RASSF8: variants seen among roughly 807,000 people sequenced by gnomAD.
RASSF8 encodes the protein ras association domain-containing protein 8.
Under a neutral mutation model 48.5 loss-of-function variants are expected in RASSF8, and 22 were observed. The observed-to-expected ratio is 0.45, with a 90% CI of 0.32 to 0.65. RASSF8 has a LOEUF of 0.65. Among genes scored for constraint, RASSF8 ranks in the 30% least tolerant of loss-of-function variants. RASSF8 has a pLI of 0.03. For synonymous variants in RASSF8, 127 were observed against 171.5 expected, an observed-to-expected ratio of 0.74 and a Z score of 2.03; for missense variants, 418 against 489.2, an observed-to-expected ratio of 0.85 and a Z score of 1.37.
rs1447064670 is a variant in RASSF8 at position 26,072,475 on chromosome 12, T to C, written c.*3657T>C. The C allele has an allele frequency of 4.2e-6, 4 of 960,776 alleles. No individual in the cohort carries two copies. Among genetic ancestry groups the C allele is most frequent in the Non-Finnish European group, 3.7e-6 (3 of 807,562 alleles). 59.5% of individuals were successfully genotyped at this position (960,776 alleles called of 1,614,324 possible). A position where few individuals can be genotyped will look rare whatever the true frequency, so the allele number is the denominator to read the frequency against. ...AATAAATGCAGAAAACTATTTCGTATACTAATTATATTAAACCAGCAGAAA... is the reference window on the plus strand; with the variant it reads ...AATAAATGCAGAAAACTATTTCGTACACTAATTATATTAAACCAGCAGAAA... On this transcript the variant is annotated 3_prime_UTR_variant, in exon 6 of 6. Transcript: ENST00000689635.
Position 26,012,682 on chromosome 12 carries a change from C to CTTTT in RASSF8, c.-109+17565_-109+17568dup, listed in dbSNP as rs775400464. Among the ~76,000 whole-genome samples, 87 of 131,786 alleles carry CTTTT rather than the reference C, an allele frequency of 6.6e-4. 1 individual carries two copies. The highest frequency in any genetic ancestry group is 8.5e-4 in the Non-Finnish European group (53 of 62,282). The allele number at this position is 131,786 out of a possible 152,430, so 86.5% of individuals were successfully genotyped here. A position where few individuals can be genotyped will look rare whatever the true frequency, so the allele number is the denominator to read the frequency against. On this transcript the variant is annotated intron_variant, in intron 2 of 5. Transcript: ENST00000689635. ...GTTCCTTCCATGTGAGGCCTTTTTT[C>CTTTT]TTTTTTTTTTTTTTTTGAGATAGGG...
chr12:25,982,750 G>A (rs1413346159), intron 1 of RASSF8, among the ~76,000 whole-genome samples: 1 of 152,086 alleles, frequency 6.6e-6, no homozygotes, highest in Non-Finnish European at 1.5e-5. Flanking sequence ...CATAGAGCTG[G>A]GACCCCTAAA....
At chr12:26,079,203 A>C (rs1944096703) in exon 6 of RASSF8, 6 of 595,806 alleles carry the variant, frequency 1.0e-5, no homozygotes, top group Middle Eastern at 4.5e-4. Flanking sequence ...GGGAGAAAAT[A>C]TTTGCAAACC....
chr12:25,988,879 A>C (rs1424716669), intron 1 of RASSF8, among the ~76,000 whole-genome samples: 2 of 152,200 alleles, frequency 1.3e-5, no homozygotes, highest in East Asian at 3.8e-4. Flanking sequence ...TGTTTAGAGA[A>C]ACTGTCTCCT....
intron 1 of RASSF8, among the ~76,000 whole-genome samples, chr12:25,991,002 C>A (rs1408914947): frequency 6.6e-6 from 1 of 152,106 alleles, no homozygotes; most frequent in Non-Finnish European, 1.5e-5. Flanking sequence ...GACTTTTTAG[C>A]TGATCTATAA....
intron 2 of RASSF8, among the ~76,000 whole-genome samples, chr12:26,047,609 T>C (rs1013012037): frequency 1.3e-5 from 2 of 152,208 alleles, no homozygotes; most frequent in Non-Finnish European, 2.9e-5. Flanking sequence ...ACTGTACTAG[T>C]TGATGACCAG....
At chr12:26,034,678 A>G (rs149961553) in intron 2 of RASSF8, among the ~76,000 whole-genome samples, 38 of 152,242 alleles carry the variant, frequency 2.5e-4, no homozygotes, top group African/African-American at 8.7e-4. Flanking sequence ...TTTATTTCCC[A>G]TATTTCGAAA....
rs899083777 is a variant in RASSF8 at position 25,974,826 on chromosome 12, G to A, written c.-203+15678G>A. On this transcript the variant is annotated intron_variant, in intron 1 of 5. Transcript: ENST00000689635. ...GTGAGCACTCAACCCTGAATGTAGC[G>A]TGGGTAGGGTAGCTATTGGTAGATA... 7.2e-5 allele frequency among the ~76,000 whole-genome samples: 11 copies of A among 152,252 alleles called. No individual in the cohort carries two copies. The East Asian group carries it at 7.7e-4, about 11-fold the overall frequency.
At chr12:26,073,821 TACACAC>T (rs757140768), downstream of RASSF8, among the ~76,000 whole-genome samples, 54 of 65,244 alleles carry the variant, frequency 8.3e-4, no homozygotes, top group Admixed American at 1.6e-3. Flanking sequence ...TATATACACA[TACACAC>T]ACACACACAC....
chr12:25,995,725 C>T (rs1271519837), intron 2 of RASSF8, among the ~76,000 whole-genome samples: 4 of 152,098 alleles, frequency 2.6e-5, no homozygotes, highest in Non-Finnish European at 4.4e-5. Context: ...AGTATGCTTG[C>T]TGTATATCAT....
intron 2 of RASSF8, among the ~76,000 whole-genome samples, chr12:26,049,074 A>G (rs1943435954): frequency 6.6e-6 from 1 of 152,030 alleles, no homozygotes; most frequent in Non-Finnish European, 1.5e-5. Context: ...CATCTTTTTT[A>G]AGGTATGGTG....
chr12:25,968,467 C>T (rs1485852871), intron 1 of RASSF8, among the ~76,000 whole-genome samples: 1 of 152,186 alleles, frequency 6.6e-6, no homozygotes, highest in Non-Finnish European at 1.5e-5. Flanking sequence ...CTCAGCCTCC[C>T]GAGTAGCTGG....
chr12:26,025,032 AAAG>A (rs1182577237), intron 2 of RASSF8, among the ~76,000 whole-genome samples: 1 of 152,222 alleles, frequency 6.6e-6, no homozygotes, highest in Non-Finnish European at 1.5e-5. Context: ...TTCAATAAAA[AAAG>A]CATTTGACAA....
Position 26,055,286 on chromosome 12 carries a change from C to A in RASSF8, c.-58C>A. 7.2e-7 allele frequency: 1 copy of A among 1,385,454 alleles called. No homozygotes were observed. The highest frequency in any genetic ancestry group is 1.0e-6 in the Non-Finnish European group (1 of 971,590). The allele number at this position is 1,385,454 out of a possible 1,614,324, so 85.8% of individuals were successfully genotyped here. A position where few individuals can be genotyped will look rare whatever the true frequency, so the allele number is the denominator to read the frequency against. On this transcript the variant is annotated 5_prime_UTR_variant, in exon 3 of 6. Coordinates refer to ENST00000689635, the MANE Select transcript of RASSF8 (RefSeq NM_001394098.1). ...CACTCCGTGTTCCTGCAGCTAGAGA[C>A]ATGACCTAACACCCTGATGACCACT...
intron 1 of RASSF8, among the ~76,000 whole-genome samples, chr12:25,975,258 A>G (rs1250567069): frequency 6.6e-6 from 1 of 152,178 alleles, no homozygotes; most frequent in African/African-American, 2.4e-5. Context: ...AATAGTCTCG[A>G]TATCATTAAA....
At chr12:26,061,077 T>C (rs1943731912) in intron 3 of RASSF8, among the ~76,000 whole-genome samples, 1 of 152,138 alleles carries the variant, frequency 6.6e-6, no homozygotes, top group Non-Finnish European at 1.5e-5. Context: ...CTGACACATA[T>C]GTGGTGTTCA....
In RASSF8 at chr12:26,072,438, T is replaced by C. The variant is rs1944018796; in HGVS notation, c.*3620T>C. On this transcript the variant is annotated 3_prime_UTR_variant, in exon 6 of 6. Transcript: ENST00000689635. Reference sequence around the variant, plus strand: ...GCTCTTTTCAATGCATTTTATATATTTTTAGAAACCAAATAAATGCAGAAA... The same window carrying C: ...GCTCTTTTCAATGCATTTTATATATCTTTAGAAACCAAATAAATGCAGAAA... 1 of 974,256 alleles carries C rather than the reference T, an allele frequency of 1.0e-6. No individual in the cohort carries two copies. The highest frequency in any genetic ancestry group is 5.3e-4 in the Middle Eastern group (1 of 1,892). 60.4% of individuals were successfully genotyped at this position (974,256 alleles called of 1,614,324 possible).
intron 1 of RASSF8, among the ~76,000 whole-genome samples, chr12:25,970,418 C>T (rs544483756): frequency 6.6e-6 from 1 of 152,300 alleles, no homozygotes; most frequent in South Asian, 2.1e-4. Flanking sequence ...TCCTATGCCA[C>T]CTCACCTTGA....
chr12:25,976,886 T>TGGGA (rs746531679), intron 1 of RASSF8, among the ~76,000 whole-genome samples: 1 of 152,176 alleles, frequency 6.6e-6, no homozygotes. Context: ...ACCACATGCT[T>TGGGA]GGGACCTCCT....
Sources: gnomAD v4.1 joint callset for allele counts (sites outside exome capture counted in the v4.1 genomes callset) on GRCh38, gnomAD v4.1.1 for gene constraint, MANE v1.5 for transcripts, NCBI Gene and HGNC (gene_info 2026-07-23, HGNC 2026-07-21) for gene names.